Variants in BACE2 observed in about 807,000 individuals in gnomAD.
BACE2 encodes beta-secretase 2, also known as 56 kDa aspartic-like protease.
BACE2 carries 17 observed loss-of-function variants against 46.2 expected under a neutral mutation model. The observed-to-expected ratio is 0.37, with a 90% CI of 0.25 to 0.55. The LOEUF (loss-of-function observed/expected upper bound fraction) is 0.55. BACE2 is among the 20% of genes least tolerant of loss of function. The probability of loss-of-function intolerance (pLI) is 0.82; values close to 1 mark genes in which losing one functional copy is unlikely to be tolerated. For synonymous variants in BACE2, 277 were observed against 295.9 expected (o/e 0.94, Z 0.66); for missense variants, 595 against 698.1 (o/e 0.85, Z 1.66).
At chr21:41,174,330 A>G (rs1044922948) in intron 1 of BACE2, among the ~76,000 whole-genome samples, 30 of 151,360 alleles carry the variant, frequency 2.0e-4, no homozygotes, top group African/African-American at 6.6e-4. Flanking sequence ...TTTAGTAGAG[A>G]CGGGGTTTCA....
chr21:41,203,428 C>G (rs1986024528), intron 1 of BACE2, among the ~76,000 whole-genome samples: 1 of 152,022 alleles, frequency 6.6e-6, no homozygotes, highest in African/African-American at 2.4e-5. Flanking sequence ...CTGGAGGAAC[C>G]CAAGGCGGCC....
At chr21:41,249,596 A>G (rs1987581737) in intron 6 of BACE2, among the ~76,000 whole-genome samples, 1 of 152,036 alleles carries the variant, frequency 6.6e-6, no homozygotes, top group Admixed American at 6.6e-5. Context: ...CCACCGCAGC[A>G]TCTTCTGCAG....
intron 1 of BACE2, among the ~76,000 whole-genome samples, chr21:41,219,775 A>G (rs541668288): frequency 6.6e-6 from 1 of 152,224 alleles, no homozygotes; most frequent in African/African-American, 2.4e-5. Context: ...AAAACCACAC[A>G]CTGATTTCCC....
chr21:41,247,675 G>A (rs1355462844), intron 6 of BACE2, among the ~76,000 whole-genome samples: 3 of 152,236 alleles, frequency 2.0e-5, no homozygotes, highest in African/African-American at 7.2e-5. Flanking sequence ...GCCGTGGGGC[G>A]CTCGCACTCC....
At chr21:41,221,630 C>T (rs1455795442) in intron 1 of BACE2, among the ~76,000 whole-genome samples, 1 of 152,060 alleles carries the variant, frequency 6.6e-6, no homozygotes, top group African/African-American at 2.4e-5. Context: ...TCGAGACCAT[C>T]CTGGCTAACA....
In BACE2 at chr21:41,243,382, G is replaced by T; in HGVS notation, c.754G>T (p.Gly252Cys). The T allele has an allele frequency of 1.3e-6, 2 of 1,599,100 alleles. No individual in the cohort carries two copies. Among genetic ancestry groups the T allele is most frequent in the Non-Finnish European group, 8.5e-7 (1 of 1,173,332 alleles). Reference sequence around the variant, plus strand: ...TAAATATTTCCTGTCCCAGGTCTTGGGTGGAATTGAACCAAGTTTGTATAA... The same window carrying T: ...TAAATATTTCCTGTCCCAGGTCTTGTGTGGAATTGAACCAAGTTTGTATAA... ...SGTNGGSLVL[G>C]GIEPSLYKGD... is the part of the protein sequence containing the mutation. The change falls in exon 5 of 9, where the codon GGT becomes TGT. Residue 252 changes from glycine to cysteine, a missense_variant. Gly to Cys is a radical substitution (Grantham distance 159). Around this residue, in one of 3 missense-constraint regions of BACE2, gnomAD observed 343 missense variants for 419.4 expected, o/e 0.82. Coordinates refer to ENST00000330333, the MANE Select transcript of BACE2 (RefSeq NM_012105.5).
intron 1 of BACE2, among the ~76,000 whole-genome samples, chr21:41,170,415 A>G (rs919823444): frequency 1.3e-5 from 2 of 152,186 alleles, no homozygotes; most frequent in African/African-American, 2.4e-5. Flanking sequence ...CGCTGCTTCT[A>G]CAGAGACAGA....
chr21:41,228,130 A>G (rs1388482553), intron 2 of BACE2, among the ~76,000 whole-genome samples: 3 of 152,250 alleles, frequency 2.0e-5, no homozygotes, highest in African/African-American at 7.2e-5. Context: ...TGCAAAGGTC[A>G]TATGACTTAT....
chr21:41,176,851 A>G (rs1984866114), intron 1 of BACE2: 1 of 152,296 alleles, frequency 6.6e-6, no homozygotes, highest in Admixed American at 6.5e-5. Flanking sequence ...AAAGTGAAAA[A>G]GACATACAAA....
In BACE2 at chr21:41,172,052, G is replaced by A. The variant is rs58086929; in HGVS notation, c.312+3477G>A. Among the ~76,000 whole-genome samples, 7 of 152,330 alleles carry A rather than the reference G, an allele frequency of 4.6e-5. No individual in the cohort carries two copies. In the East Asian group the frequency reaches 5.8e-4, roughly 13 times the overall value. ...CCCAAATGAAGCTGACTGTAGGTGA[G>A]GCTGAAAACAAGAAGGCAATCCCAG... On this transcript the variant is annotated intron_variant, in intron 1 of 8. Transcript: ENST00000330333.
At chr21:41,183,621 G>A (rs974716238) in intron 1 of BACE2, 2 of 167,168 alleles carry the variant, frequency 1.2e-5, no homozygotes, top group African/African-American at 2.4e-5. Flanking sequence ...AGATTCTGGA[G>A]TCCCCACGCC....
chr21:41,235,242 T>G (rs1414005033), intron 2 of BACE2, among the ~76,000 whole-genome samples: 2 of 152,216 alleles, frequency 1.3e-5, no homozygotes, highest in Non-Finnish European at 2.9e-5. Context: ...CATTGACGTA[T>G]TTTTCTTTTA....
chr21:41,190,977 C>T (rs996971152), intron 1 of BACE2, among the ~76,000 whole-genome samples: 4 of 152,168 alleles, frequency 2.6e-5, no homozygotes, highest in African/African-American at 9.7e-5. Flanking sequence ...GTGTTCCTCC[C>T]TCTGGAACTA....
intron 3 of BACE2, among the ~76,000 whole-genome samples, chr21:41,239,088 A>C (rs1271248447): frequency 6.6e-6 from 1 of 151,864 alleles, no homozygotes; most frequent in African/African-American, 2.4e-5. Flanking sequence ...GGAAGGGAAC[A>C]GAAGTGATTG....
chr21:41,243,620 A>G (rs551807339), intron 5 of BACE2, 110 bp downstream of exon 5: 4 of 1,163,110 alleles, frequency 3.4e-6, no homozygotes, highest in Non-Finnish European at 4.7e-6. Flanking sequence ...TCGTAAGATA[A>G]AGGCTCATTA....
intron 3 of BACE2, among the ~76,000 whole-genome samples, chr21:41,240,173 G>A (rs1293665236): frequency 1.3e-5 from 2 of 152,352 alleles, no homozygotes; most frequent in East Asian, 1.9e-4. Context: ...ACTGCCCACA[G>A]GGGTCTCTGA....
At chr21:41,195,590 T>C (rs1271510221) in intron 1 of BACE2, among the ~76,000 whole-genome samples, 1 of 152,108 alleles carries the variant, frequency 6.6e-6, no homozygotes, top group Non-Finnish European at 1.5e-5. Flanking sequence ...CCCTCACACC[T>C]CCATTCTCCC....
At chr21:41,255,570 A>G (rs1987759342) in intron 7 of BACE2, among the ~76,000 whole-genome samples, 2 of 152,200 alleles carry the variant, frequency 1.3e-5, no homozygotes, top group African/African-American at 2.4e-5. Flanking sequence ...TTCCCGCCCT[A>G]TGGTTACTGC....
intron 1 of BACE2, among the ~76,000 whole-genome samples, chr21:41,188,314 A>G (rs1354040317): frequency 6.6e-6 from 1 of 152,160 alleles, no homozygotes; most frequent in Non-Finnish European, 1.5e-5. Context: ...GGGTTTATGA[A>G]TCATGAGGCT....
Sources: allele counts gnomAD v4.1 joint callset (sites outside exome capture counted in the v4.1 genomes callset), GRCh38; gene constraint gnomAD v4.1.1; regional missense constraint gnomAD v4.1.1; transcripts MANE v1.5; gene names NCBI Gene and HGNC (gene_info 2026-07-23, HGNC 2026-07-21).